ATL2: variants seen among roughly 807,000 people sequenced by gnomAD.
ATL2 encodes atlastin-2.
Under a neutral mutation model 73.9 loss-of-function variants are expected in ATL2, and 31 were observed. The ratio of observed to expected loss-of-function variants is 0.42; its 90% CI spans 0.32 to 0.57. The LOEUF is 0.57. Ranked by LOEUF, ATL2 falls within the 20% of genes least tolerant of loss-of-function variation. The pLI, the probability that ATL2 is intolerant of heterozygous loss-of-function variation, is 0.14. For missense variants in ATL2, 738 were observed against 702.6 expected (o/e 1.05, Z -0.57); for synonymous variants, 291 against 237.5 (o/e 1.23, Z -2.07).
chr2:38,364,343 T>A (rs1236400259), intron 1 of ATL2, among the ~76,000 whole-genome samples: 2 of 152,206 alleles, frequency 1.3e-5, no homozygotes, highest in Non-Finnish European at 2.9e-5. Flanking sequence ...CCACTGACAA[T>A]TTCAGAGCAG....
chr2:38,344,675 G>A (rs1312935863), intron 1 of ATL2, among the ~76,000 whole-genome samples: 1 of 152,072 alleles, frequency 6.6e-6, no homozygotes. Flanking sequence ...GGAAAATTAG[G>A]GTTCTAACAA....
At chr2:38,330,406 G>T (rs114348473) in intron 2 of ATL2, among the ~76,000 whole-genome samples, 1 of 152,058 alleles carries the variant, frequency 6.6e-6, no homozygotes, top group East Asian at 1.9e-4. Flanking sequence ...TTCTAGCTGG[G>T]ACCATCAGCC....
intron 1 of ATL2, chr2:38,358,601 AGAATGG>A: frequency 1.4e-5 from 4 of 283,200 alleles, no homozygotes; most frequent in South Asian, 1.0e-4. Context: ...CTGAGGCCGG[AGAATGG>A]CGTGGACCCA....
At chr2:38,346,560 G>A (rs550851534) in intron 1 of ATL2, among the ~76,000 whole-genome samples, 1 of 152,210 alleles carries the variant, frequency 6.6e-6, no homozygotes, top group Non-Finnish European at 1.5e-5. Context: ...AGGGGGAGCA[G>A]TGGTTTCAGG....
intron 2 of ATL2, 44 bp downstream of exon 2, chr2:38,343,224 T>C: frequency 6.6e-7 from 1 of 1,506,804 alleles, no homozygotes. Flanking sequence ...GCATGGTTGG[T>C]ACTTTTTTCT....
upstream of ATL2, among the ~76,000 whole-genome samples, chr2:38,377,819 C>A (rs1280260602): frequency 4.0e-5 from 6 of 149,608 alleles, no homozygotes; most frequent in African/African-American, 1.5e-4. Context: ...TCCTCTTGAT[C>A]TTTTCTTTCC....
chr2:38,333,610 A>G (rs991683083), intron 2 of ATL2, among the ~76,000 whole-genome samples: 2 of 152,208 alleles, frequency 1.3e-5, no homozygotes, highest in Non-Finnish European at 2.9e-5. Context: ...GAATGAAAAA[A>G]GATCTGTAAT....
At chr2:38,318,496 T>C in intron 4 of ATL2, 39 bp downstream of exon 4, 4 of 1,449,034 alleles carry the variant, frequency 2.8e-6, no homozygotes, top group East Asian at 2.3e-5. Flanking sequence ...GGCCAAATGA[T>C]TACGTGAACT....
rs375586123 is a variant in ATL2, at chr2:38,343,226, C to T, written c.363+42G>A. On this transcript the variant is annotated intron_variant, in intron 2 of 12. Coordinates refer to ENST00000378954, the MANE Select transcript of ATL2 (RefSeq NM_001135673.4). ...ATTTTTTTAACAGGCATGGTTGGTA[C>T]TTTTTTCTTTTTAATTGGGTTCAAT... 2.5e-5 allele frequency: 30 copies of T among 1,223,828 alleles called. No individual in the cohort carries two copies. The South Asian group carries it at 4.2e-4, about 17-fold the overall frequency. The allele number at this position is 1,223,828 out of a possible 1,614,324, so 75.8% of individuals were successfully genotyped here.
chr2:38,310,686 GGA>G lies in ATL2; in HGVS notation c.805-241_805-240del, dbSNP rs1264893399. On this transcript the variant is annotated intron_variant, in intron 7 of 12. Coordinates refer to ENST00000378954, the MANE Select transcript of ATL2 (RefSeq NM_001135673.4). The stretch of plus-strand genomic sequence containing the variant: ...GAGTTTCGCTCTTGTTGCCCAGGCT[GGA>G]GTGCAATGGTGCAATCTCGGCTCAC... 2.0e-5 allele frequency among the ~76,000 whole-genome samples: 3 copies of G among 148,358 alleles called. No individual in the cohort carries two copies. In the East Asian group the frequency reaches 5.9e-4, roughly 29 times the overall value.
At chr2:38,307,403 C>A (rs1667510562) in intron 9 of ATL2, among the ~76,000 whole-genome samples, 2 of 148,988 alleles carry the variant, frequency 1.3e-5, no homozygotes, top group Admixed American at 6.7e-5. Context: ...CAGGCTGAGG[C>A]CAGGCGAATT....
rs201818773 is a variant in ATL2, at chr2:38,319,008, A to C, written c.375T>G (p.Ser125Arg). 4 of 1,612,574 alleles carry C rather than the reference A, an allele frequency of 2.5e-6. No individual in the cohort carries two copies. The East Asian group carries it at 8.9e-5, about 36-fold the overall frequency. The stretch of plus-strand genomic sequence containing the variant: ...ATGGTTCATTGTTTCCACCAATCCA[A>C]CTTTGAGAATCCTGTTAAAGTCAAG... ...LRYMYNKDSQSWIGGNNEPLT... is the reference protein window; with the variant it reads ...LRYMYNKDSQRWIGGNNEPLT... Residue 125 changes from serine (S) to arginine (R), a missense_variant, in exon 3 of 13, where the codon AGT becomes AGG. Ser to Arg is a moderately radical substitution (Grantham distance 110). Transcript: ENST00000378954.
Position 38,314,649 on chromosome 2 carries a change from C to A in ATL2, c.670G>T (p.Gly224Ter). The A allele has an allele frequency of 6.3e-7, 1 of 1,595,608 alleles. No individual in the cohort carries two copies. Among genetic ancestry groups the A allele is most frequent in the South Asian group, 1.1e-5 (1 of 90,384 alleles). ...TAGATTTCTTCCATCGCAAGTCTTC[C>A]ATACTCTGTAAATAACTATTAAATA... ...LQHLQLFTEY[G>*]RLAMEEIYQK... Residue 224 changes from glycine to a stop codon, truncating the protein, a stop_gained, in exon 6 of 13, where the codon GGA becomes TGA. Coordinates refer to ENST00000378954, the MANE Select transcript of ATL2 (RefSeq NM_001135673.4). LOFTEE classifies it high-confidence loss of function.
intron 1 of ATL2, among the ~76,000 whole-genome samples, chr2:38,375,633 A>C (rs1204037794): frequency 6.6e-6 from 1 of 152,220 alleles, no homozygotes; most frequent in Non-Finnish European, 1.5e-5. Flanking sequence ...ACCTCAAAAA[A>C]AGGAAAGAAA....
chr2:38,358,064 T>C (rs1019224012), intron 1 of ATL2, among the ~76,000 whole-genome samples: 1 of 152,180 alleles, frequency 6.6e-6, no homozygotes, highest in Non-Finnish European at 1.5e-5. Flanking sequence ...AAACTGGGAT[T>C]GAGCTTGAAA....
At chr2:38,300,236 T>C in intron 10 of ATL2, 36 bp downstream of exon 10, 1 of 1,490,658 alleles carries the variant, frequency 6.7e-7, no homozygotes, top group Non-Finnish European at 9.3e-7. Flanking sequence ...CATAAATAAG[T>C]ATATGTACAA....
intron 2 of ATL2, among the ~76,000 whole-genome samples, chr2:38,325,660 G>C (rs1414301526): frequency 0.041 from 215 of 5,218 alleles, 19 homozygotes; most frequent in African/African-American, 0.11. Context: ...ACACACACCA[G>C]TACACACACA....
intron 1 of ATL2, among the ~76,000 whole-genome samples, chr2:38,374,869 A>T (rs1365296865): frequency 1.3e-5 from 2 of 152,252 alleles, no homozygotes; most frequent in Non-Finnish European, 2.9e-5. Flanking sequence ...ACAGTCACAG[A>T]AAAACGAATC....
At chr2:38,373,727 G>A (rs1357896064) in intron 1 of ATL2, among the ~76,000 whole-genome samples, 1 of 152,158 alleles carries the variant, frequency 6.6e-6, no homozygotes, top group Non-Finnish European at 1.5e-5. Flanking sequence ...AAAATCATCT[G>A]TAAAAGTTAT....
Sources: gnomAD v4.1 joint callset for allele counts (sites outside exome capture counted in the v4.1 genomes callset) on GRCh38, gnomAD v4.1.1 for gene constraint, MANE v1.5 for transcripts, NCBI Gene and HGNC (gene_info 2026-07-23, HGNC 2026-07-21) for gene names.